IDE: variants seen among roughly 807,000 people sequenced by gnomAD.
IDE encodes the protein insulin-degrading enzyme.
In IDE, 58 loss-of-function variants were observed where a neutral mutation model predicts 133.2. That is an observed-to-expected ratio of 0.44 (90% CI 0.35 to 0.54). The LOEUF is 0.54. Among genes scored for constraint, IDE ranks in the 20% least tolerant of loss-of-function variants. IDE has a pLI of 0.00. For missense variants in IDE, 981 were observed against 1,234.0 expected, an observed-to-expected ratio of 0.79 and a Z score of 3.07; for synonymous variants, 396 against 421.3, an observed-to-expected ratio of 0.94 and a Z score of 0.73.
At chr10:92,489,359 G>C (rs1847210158) in intron 12 of IDE, among the ~76,000 whole-genome samples, 1 of 152,052 alleles carries the variant, frequency 6.6e-6, no homozygotes, top group African/African-American at 2.4e-5. Flanking sequence ...AGACCATCCT[G>C]GCCAACATGG....
intron 3 of IDE, among the ~76,000 whole-genome samples, chr10:92,533,567 T>C (rs1255859985): frequency 2.6e-5 from 4 of 152,072 alleles, no homozygotes; most frequent in Admixed American, 2.6e-4. Flanking sequence ...CAGAAAACTA[T>C]AAATATTCAC....
intron 14 of IDE, 105 bp from the exon 15 acceptor site, chr10:92,479,526 C>T: frequency 1.2e-6 from 1 of 846,122 alleles, no homozygotes; most frequent in East Asian, 2.5e-5. Context: ...ATATGATTTC[C>T]TGAGGATATG....
At chr10:92,496,266 C>A (rs940777977) in intron 11 of IDE, among the ~76,000 whole-genome samples, 2 of 152,172 alleles carry the variant, frequency 1.3e-5, no homozygotes, top group Non-Finnish European at 2.9e-5. Context: ...CTTACCAGGT[C>A]AAATTCTGGG....
chr10:92,537,229 A>G, intron 2 of IDE, 137 bp downstream of exon 2: 1 of 570,256 alleles, frequency 1.8e-6, no homozygotes, highest in Non-Finnish European at 2.9e-6. Context: ...CAATAGCTTT[A>G]CGAGGGTTCT....
intron 13 of IDE, 124 bp downstream of exon 13, chr10:92,487,072 G>T: frequency 4.9e-6 from 4 of 817,026 alleles, no homozygotes; most frequent in Non-Finnish European, 7.5e-6. Flanking sequence ...CAGCTTTTTT[G>T]TCACCTATTA....
intron 1 of IDE, among the ~76,000 whole-genome samples, chr10:92,562,557 T>C (rs1460312650): frequency 2.6e-5 from 4 of 152,214 alleles, no homozygotes; most frequent in Non-Finnish European, 5.9e-5. Flanking sequence ...GATGGCAGTT[T>C]AAAGTAGTCT....
chr10:92,485,896 C>T (rs538717096), intron 13 of IDE, among the ~76,000 whole-genome samples: 3 of 152,072 alleles, frequency 2.0e-5, no homozygotes, highest in African/African-American at 7.2e-5. Context: ...GAGCTATGAT[C>T]CCACCACTGC....
At chr10:92,542,012 T>G (rs1052075776) in intron 1 of IDE, among the ~76,000 whole-genome samples, 1 of 152,174 alleles carries the variant, frequency 6.6e-6, no homozygotes, top group Non-Finnish European at 1.5e-5. Context: ...CAGTCCTGTG[T>G]CCAGCCTCCC....
intron 1 of IDE, among the ~76,000 whole-genome samples, chr10:92,541,710 A>G (rs1842315899): frequency 1.3e-5 from 2 of 152,196 alleles, no homozygotes; most frequent in Admixed American, 6.5e-5. Context: ...TCAGAATTTA[A>G]AACAATGACT....
chr10:92,501,361 T>TCAAAAAAA (rs1564627755), intron 11 of IDE, among the ~76,000 whole-genome samples: 12 of 30,914 alleles, frequency 3.9e-4, no homozygotes, highest in African/African-American at 2.3e-3. Flanking sequence ...GACTCTGTCA[T>TCAAAAAAA]TAAAAAAAAA....
chr10:92,505,179 C>G (rs955042820), intron 10 of IDE, among the ~76,000 whole-genome samples: 2 of 152,072 alleles, frequency 1.3e-5, no homozygotes, highest in Non-Finnish European at 2.9e-5. Context: ...GGGAAAACCA[C>G]GAATGTTTCT....
At chr10:92,483,844 C>T (rs1589400158) in intron 13 of IDE, among the ~76,000 whole-genome samples, 1 of 152,082 alleles carries the variant, frequency 6.6e-6, no homozygotes, top group Admixed American at 6.6e-5. Context: ...TAAAAGACAC[C>T]GCGGCTTGCA....
chr10:92,484,593 C>A (rs1457656680), intron 13 of IDE, among the ~76,000 whole-genome samples: 1 of 151,740 alleles, frequency 6.6e-6, no homozygotes, highest in Non-Finnish European at 1.5e-5. Context: ...ATTAGTTGGG[C>A]ATGGTGGCAC....
intron 1 of IDE, among the ~76,000 whole-genome samples, chr10:92,567,057 CA>C (rs911869698): frequency 6.6e-6 from 1 of 152,158 alleles, no homozygotes; most frequent in Non-Finnish European, 1.5e-5. Flanking sequence ...TACCAATCTA[CA>C]AACTAGATTT....
chr10:92,568,842 TAAC>T (rs10584127), intron 1 of IDE, among the ~76,000 whole-genome samples: 15,263 of 151,478 alleles, frequency 0.1, 893 homozygotes, highest in South Asian at 0.17. Flanking sequence ...ATAATAATAA[TAAC>T]AATACCTTTA....
chr10:92,492,623 T>A (rs1847424714), intron 11 of IDE, among the ~76,000 whole-genome samples: 1 of 152,148 alleles, frequency 6.6e-6, no homozygotes, highest in Admixed American at 6.5e-5. Flanking sequence ...AATAATTAGG[T>A]CCCAATTCAA....
At chr10:92,566,749 T>A (rs921968702) in intron 1 of IDE, among the ~76,000 whole-genome samples, 1 of 151,968 alleles carries the variant, frequency 6.6e-6, no homozygotes, top group African/African-American at 2.4e-5. Context: ...CTAAAAGAGT[T>A]TAATTGGATT....
rs189034211 is a variant in IDE, at chr10:92,494,175, C to G, written c.1431-3580G>C. 2.7e-3 allele frequency among the ~76,000 whole-genome samples: 411 copies of G among 151,926 alleles called. 3 individuals are homozygous for G. Among genetic ancestry groups the G allele is most frequent in the Non-Finnish European group, 4.4e-3 (302 of 67,988 alleles). On this transcript the variant is annotated intron_variant, in intron 11 of 24. Transcript: ENST00000265986. ...CTCCTGAGCTCAAGTGATCCTCCTGCCTCAGTCTCTCAAGTAGCTGGGACT... is the reference window on the plus strand; with the variant it reads ...CTCCTGAGCTCAAGTGATCCTCCTGGCTCAGTCTCTCAAGTAGCTGGGACT...
intron 14 of IDE, chr10:92,480,888 C>A: frequency 1.1e-6 from 1 of 951,300 alleles, no homozygotes. Flanking sequence ...GCTATCGCAC[C>A]CAGCCAAAAG....
Sources: gnomAD v4.1 joint callset for allele counts (sites outside exome capture counted in the v4.1 genomes callset) on GRCh38, gnomAD v4.1.1 for gene constraint, MANE v1.5 for transcripts, NCBI Gene and HGNC (gene_info 2026-07-23, HGNC 2026-07-21) for gene names.